Variants in RPSA observed in about 807,000 individuals in gnomAD.
The protein encoded by RPSA is small ribosomal subunit protein uS2.
For synonymous variants in RPSA, 103 were observed against 126.7 expected (o/e 0.81, Z 1.25); for missense variants, 140 against 372.8 (o/e 0.38, Z 5.14).
At position 39,410,842 on chromosome 3, in the gene RPSA, C is replaced by T. The variant is rs753139064; in HGVS notation, c.341C>T (p.Ala114Val). 1 of 1,604,344 alleles carries T rather than the reference C, an allele frequency of 6.2e-7. No homozygotes were observed. Among genetic ancestry groups the T allele is most frequent in the Non-Finnish European group, 8.5e-7 (1 of 1,178,296 alleles). ...GGAACCTTCACTAACCAGATCCAGG[C>T]AGCCTTCCGGGAGCCACGGCTTCTT... ...TPGTFTNQIQ[A>V]AFREPRLLVV... The change falls in exon 4 of 7, where the codon GCA (alanine) becomes GTA (valine). Residue 114 changes from alanine (A) to valine (V), a missense_variant. Physicochemically the swap from Ala to Val is moderately conservative, Grantham distance 64 (BLOSUM62 0). Coordinates refer to ENST00000301821, the MANE Select transcript of RPSA (RefSeq NM_002295.6).
intron 4 of RPSA, 131 bp downstream of exon 4, chr3:39,411,130 G>A: frequency 8.5e-7 from 1 of 1,171,926 alleles, no homozygotes; most frequent in Non-Finnish European, 1.3e-6. Flanking sequence ...TGTGCTACAT[G>A]AGGGGCAAGT....
chr3:39,412,044 T>C lies in RPSA; in HGVS notation c.776T>C (p.Ile259Thr), dbSNP rs1440753800. 1 of 1,611,054 alleles carries C rather than the reference T, an allele frequency of 6.2e-7. No individual in the cohort carries two copies. Among genetic ancestry groups the C allele is most frequent in the Non-Finnish European group, 8.5e-7 (1 of 1,179,956 alleles). ...GGTGTACAGGTGCCCTCTGTGCCTA[T>C]TCAGCAATTCCCTACTGGTATGTAT... ...SEGVQVPSVP[I>T]QQFPTEDWSA... Residue 259 changes from isoleucine to threonine, a missense_variant, in exon 6 of 7, where the codon ATT becomes ACT. Coordinates refer to ENST00000301821, the MANE Select transcript of RPSA (RefSeq NM_002295.6).
intron 3 of RPSA, 123 bp downstream of exon 3, chr3:39,408,847 C>A (rs976750269): frequency 1.4e-6 from 1 of 711,548 alleles, no homozygotes; most frequent in African/African-American, 1.8e-5. Context: ...GCCTGTAATC[C>A]CAGCACTTTG....
intron 1 of RPSA, 41 bp downstream of exon 1, chr3:39,406,805 A>G (rs1273396131): frequency 4.4e-6 from 2 of 453,858 alleles, no homozygotes; most frequent in Non-Finnish European, 8.9e-6. Flanking sequence ...CCAGGGCTAG[A>G]AAAATGAGCT....
At position 39,410,729 on chromosome 3, in the gene RPSA, C is replaced by T. The variant is rs775165621; in HGVS notation, c.253-25C>T. 18 of 1,613,696 alleles carry T rather than the reference C, an allele frequency of 1.1e-5. No individual in the cohort carries two copies. The East Asian group carries it at 3.8e-4, about 34-fold the overall frequency. ...GATTGTTGCTGTGGAATATCGAGTA[C>T]CACTAACTTTTAAATTCTTCAAAGA... On this transcript the variant is annotated intron_variant, in intron 3 of 6. Transcript: ENST00000301821.
In RPSA at chr3:39,412,427, C is replaced by G; in HGVS notation, c.*59C>G. On this transcript the variant is annotated 3_prime_UTR_variant, in exon 7 of 7. Transcript: ENST00000301821. Reference sequence around the variant, plus strand: ...AAAATGGTTGATGGAAAATAAACATCAGTTTCTAAAAGTTGTCTTCATTTA... The same window carrying G: ...AAAATGGTTGATGGAAAATAAACATGAGTTTCTAAAAGTTGTCTTCATTTA... 2.1e-6 allele frequency: 2 copies of G among 945,232 alleles called. No homozygotes were observed. Among genetic ancestry groups the G allele is most frequent in the Admixed American group, 4.5e-5 (2 of 44,664 alleles). 58.6% of individuals were successfully genotyped at this position (945,232 alleles called of 1,614,324 possible).
rs1206960551 is a variant in RPSA, at chr3:39,408,381, G to A, written c.134-225G>A. 1.2e-5 allele frequency: 9 copies of A among 732,000 alleles called. No homozygotes were observed. The Admixed American group carries it at 1.6e-4, about 13-fold the overall frequency. The allele number at this position is 732,000 out of a possible 1,614,324, so 45.3% of individuals were successfully genotyped here. A position where few individuals can be genotyped will look rare whatever the true frequency, so the allele number is the denominator to read the frequency against. On this transcript the variant is annotated intron_variant, in intron 2 of 6. Transcript: ENST00000301821. ...AAAGGAAAGATGGATTTAGCCAACTGAATCTAGGCTGCACACTATTAAAGC... is the reference window on the plus strand; with the variant it reads ...AAAGGAAAGATGGATTTAGCCAACTAAATCTAGGCTGCACACTATTAAAGC...
chr3:39,409,100 G>A (rs79503125), intron 3 of RPSA: 32,315 of 119,004 alleles, frequency 0.27, 4,213 homozygotes, highest in Non-Finnish European at 0.34. Context: ...AAAAAAAAAA[G>A]AAAATAGAAA....
chr3:39,408,335 G>A (rs2041951051), intron 2 of RPSA: 1 of 620,388 alleles, frequency 1.6e-6, no homozygotes, highest in Admixed American at 2.0e-5. Flanking sequence ...AACCAATGAT[G>A]GAATAAGTAC....
intron 6 of RPSA, 46 bp downstream of exon 6, chr3:39,412,107 C>T (rs894407936): frequency 1.6e-5 from 25 of 1,572,170 alleles, no homozygotes; most frequent in Non-Finnish European, 2.2e-5. Flanking sequence ...TTTGCAACTT[C>T]TCAGTTTTAT....
chr3:39,410,810 C>G lies in RPSA; in HGVS notation c.309C>G (p.Phe103Leu), dbSNP rs2041994935. ...ATGATPIAGR[F>L]TPGTFTNQIQ... is the part of the protein sequence containing the mutation. ...GAGCCACTCCAATTGCTGGCCGCTT[C>G]ACTCCTGGAACCTTCACTAACCAGA... Residue 103 changes from phenylalanine (F) to leucine (L), a missense_variant, in exon 4 of 7, where the codon TTC becomes TTG. Phe to Leu is a conservative substitution (Grantham distance 22). Transcript: ENST00000301821. 6.2e-7 allele frequency: 1 copy of G among 1,611,238 alleles called. No homozygotes were observed. The highest frequency in any genetic ancestry group is 8.5e-7 in the Non-Finnish European group (1 of 1,179,362).
Position 39,412,290 on chromosome 3 carries a change from G to A in RPSA, c.810G>A (p.Gln270=), listed in dbSNP as rs775457334. 8 of 1,610,970 alleles carry A rather than the reference G, an allele frequency of 5.0e-6. No individual in the cohort carries two copies. Among genetic ancestry groups the A allele is most frequent in the Non-Finnish European group, 6.8e-6 (8 of 1,177,508 alleles). The change falls in exon 7 of 7, where the codon CAG becomes CAA. Residue 270 remains glutamine (Q), a synonymous_variant. Coordinates refer to ENST00000301821, the MANE Select transcript of RPSA (RefSeq NM_002295.6). ...QQFPTEDWSA[Q]PATEDWSAAP... ...TCTTAACAGAAGACTGGAGCGCTCA[G>A]CCTGCCACGGAAGACTGGTCTGCAG...
chr3:39,408,315 G>C (rs1357932955), intron 2 of RPSA: 1 of 561,522 alleles, frequency 1.8e-6, no homozygotes, highest in Non-Finnish European at 3.3e-6. Flanking sequence ...CCAGGAAGTG[G>C]ATTATTAAGA....
intron 4 of RPSA, 93 bp downstream of exon 4, chr3:39,411,092 T>C: frequency 1.3e-6 from 2 of 1,501,668 alleles, no homozygotes; most frequent in Non-Finnish European, 9.2e-7. Flanking sequence ...GGCTACTGAC[T>C]GGCCGATGAA....
chr3:39,411,612 C>G, intron 4 of RPSA, 37 bp from the exon 5 acceptor site: 1 of 1,608,108 alleles, frequency 6.2e-7, no homozygotes. Flanking sequence ...TGGGTTTGAC[C>G]AAGTGTCACT....
intron 6 of RPSA, 36 bp from the exon 7 acceptor site, chr3:39,412,238 C>T (rs2042016038): frequency 1.3e-6 from 2 of 1,515,740 alleles, no homozygotes; most frequent in Non-Finnish European, 1.8e-6. Flanking sequence ...ACATTGAGGA[C>T]AGAGCTGATG....
At chr3:39,409,084 C>CA (rs752029969) in intron 3 of RPSA, 15,032 of 78,026 alleles carry the variant, frequency 0.19, 992 homozygotes, top group Middle Eastern at 0.26. Flanking sequence ...GACTCTGTCT[C>CA]AAAAAAAAAA....
intron 3 of RPSA, chr3:39,410,455 T>C: frequency 2.4e-6 from 1 of 414,340 alleles, no homozygotes; most frequent in Non-Finnish European, 4.5e-6. Flanking sequence ...CAGTTAGTTA[T>C]TGCTGTAGAA....
intron 6 of RPSA, 66 bp downstream of exon 6, chr3:39,412,127 AATG>A: frequency 6.8e-7 from 1 of 1,478,040 alleles, no homozygotes; most frequent in Admixed American, 1.7e-5. Flanking sequence ...TTCTAACTTT[AATG>A]ATCTCTGTGA....
Sources: allele counts gnomAD v4.1 joint callset, GRCh38; gene constraint gnomAD v4.1.1; transcripts MANE v1.5; gene names NCBI Gene and HGNC (gene_info 2026-07-23, HGNC 2026-07-21).